KRT80: variants seen among roughly 807,000 people sequenced by gnomAD.
The protein encoded by KRT80 is keratin, type II cytoskeletal 80.
A neutral mutation model predicts 51.5 loss-of-function variants in KRT80; 36 were observed. That is an observed-to-expected ratio of 0.70 (90% CI 0.54 to 0.92). The LOEUF (loss-of-function observed/expected upper bound fraction) is 0.92. KRT80 is among the 40% of genes least tolerant of loss of function. KRT80 has a pLI of 0.00. For synonymous variants in KRT80, 235 were observed against 248.3 expected, an observed-to-expected ratio of 0.95 and a Z score of 0.50; for missense variants, 566 against 591.7, an observed-to-expected ratio of 0.96 and a Z score of 0.45.
chr12:52,170,772 C>T lies in KRT80; in HGVS notation c.*626G>A. On this transcript the variant is annotated 3_prime_UTR_variant, in exon 9 of 9. Transcript: ENST00000394815. ...AAGGGATGCGGGTGTTCGGGCTGAT[C>T]TCTGGGGCCTAGGCTTAGGTCCCAA... 1 of 152,786 alleles carries T rather than the reference C, an allele frequency of 6.5e-6. No homozygotes were observed. The highest frequency in any genetic ancestry group is 1.9e-4 in the East Asian group (1 of 5,192). The allele number at this position is 152,786 out of a possible 1,614,324, so 9.5% of individuals were successfully genotyped here. A position where few individuals can be genotyped will look rare whatever the true frequency, so the allele number is the denominator to read the frequency against.
chr12:52,185,044 G>A (rs919299931), intron 2 of KRT80, among the ~76,000 whole-genome samples: 2 of 152,220 alleles, frequency 1.3e-5, no homozygotes, highest in Non-Finnish European at 2.9e-5. Context: ...AAGAGCAAGT[G>A]TGTCCATAGG....
In KRT80 at chr12:52,191,709, A is replaced by T; in HGVS notation, c.194T>A (p.Leu65Gln). Residue 65 changes from leucine (L) to glutamine (Q), a missense_variant, in exon 1 of 9, where the codon CTG becomes CAG. Physicochemically the swap from Leu to Gln is moderately radical, Grantham distance 113 (BLOSUM62 -2). Transcript: ENST00000394815. ...ISKVTVNPGL[L>Q]VPLDVKLDPA... ...GTCCAACTTGACATCCAGGGGCACCAGCAGGCCGGGGTTCACAGTCACCTT... is the reference window on the plus strand; with the variant it reads ...GTCCAACTTGACATCCAGGGGCACCTGCAGGCCGGGGTTCACAGTCACCTT... 1.2e-6 allele frequency: 2 copies of T among 1,613,852 alleles called. No individual in the cohort carries two copies. The highest frequency in any genetic ancestry group is 8.5e-7 in the Non-Finnish European group (1 of 1,179,904).
In KRT80 at chr12:52,185,420, G is replaced by T; in HGVS notation, c.468C>A (p.Asn156Lys). 1 of 1,614,048 alleles carries T rather than the reference G, an allele frequency of 6.2e-7. No homozygotes were observed. The highest frequency in any genetic ancestry group is 1.1e-5 in the South Asian group (1 of 91,078). Residue 156 changes from asparagine to lysine, a missense_variant, in exon 2 of 9, where the codon AAC (asparagine) becomes AAA (lysine). Transcript: ENST00000394815. ...CAACCTTCTCCAGCACCTGCAGCAGGTTGGCCTCCAGCTGCCCCCGCTCCT... is the reference window on the plus strand; with the variant it reads ...CAACCTTCTCCAGCACCTGCAGCAGTTTGGCCTCCAGCTGCCCCCGCTCCT... ...VSQERGQLEA[N>K]LLQVLEKVEE...
intron 4 of KRT80, among the ~76,000 whole-genome samples, chr12:52,175,908 A>G (rs572927190): frequency 6.6e-6 from 1 of 152,168 alleles, no homozygotes; most frequent in Non-Finnish European, 1.5e-5. Context: ...GGCTGGGGAC[A>G]GTTTCAGAGC....
chr12:52,173,861 T>G, intron 4 of KRT80, 97 bp from the exon 5 acceptor site: 3 of 1,239,580 alleles, frequency 2.4e-6, no homozygotes, highest in South Asian at 1.4e-5. Context: ...GAGCGGAGAG[T>G]GGAGCTGCTC....
chr12:52,191,832 G>A lies in KRT80; in HGVS notation c.71C>T (p.Pro24Leu), dbSNP rs1387484485. The A allele has an allele frequency of 4.7e-5, 75 of 1,586,226 alleles. No homozygotes were observed. The highest frequency in any genetic ancestry group is 6.0e-5 in the Non-Finnish European group (70 of 1,164,114). The change falls in exon 1 of 9, where the codon CCC becomes CTC. Residue 24 changes from proline to leucine, a missense_variant. By Grantham distance (98) the Pro-to-Leu change is moderately conservative. Transcript: ENST00000394815. Reference sequence around the variant, plus strand: ...GTCCCATCCTGAGGTTCCAGGCCGGGGGCTGCCCACCGGGGTCACCTCACA... The same window carrying A: ...GTCCCATCCTGAGGTTCCAGGCCGGAGGCTGCCCACCGGGGTCACCTCACA... ...SSCEVTPVGS[P>L]RPGTSGWDSC...
intron 4 of KRT80, among the ~76,000 whole-genome samples, chr12:52,175,109 C>T (rs934762779): frequency 4.6e-5 from 7 of 152,064 alleles, no homozygotes; most frequent in South Asian, 2.1e-4. Context: ...TTTTGCTGAC[C>T]GCCTCATCAT....
chr12:52,182,836 C>A (rs532784488), intron 2 of KRT80, among the ~76,000 whole-genome samples: 122 of 152,294 alleles, frequency 8.0e-4, no homozygotes, highest in African/African-American at 2.9e-3. Flanking sequence ...TGGGAATAAG[C>A]CCTGAGCCCC....
At chr12:52,177,119 C>T (rs1195590681) in intron 4 of KRT80, among the ~76,000 whole-genome samples, 2 of 152,326 alleles carry the variant, frequency 1.3e-5, no homozygotes, top group East Asian at 3.9e-4. Context: ...ATCATTATCC[C>T]TACTTCATAG....
Position 52,171,252 on chromosome 12 carries a change from C to T in KRT80, c.*146G>A. The T allele has an allele frequency of 1.2e-6, 1 of 848,126 alleles. No individual in the cohort carries two copies. Among genetic ancestry groups the T allele is most frequent in the Non-Finnish European group, 1.8e-6 (1 of 546,070 alleles). The allele number at this position is 848,126 out of a possible 1,614,324, so 52.5% of individuals were successfully genotyped here. A position where few individuals can be genotyped will look rare whatever the true frequency, so the allele number is the denominator to read the frequency against. On this transcript the variant is annotated 3_prime_UTR_variant, in exon 9 of 9. Transcript: ENST00000394815. ...TCTCCCACCCTGGCAGCCCACAAAA[C>T]ACAGTCAGTTTTGAACCCCTCTCTC...
In KRT80 at chr12:52,171,236, C is replaced by A; in HGVS notation, c.*162G>T. 2.8e-6 allele frequency: 2 copies of A among 719,274 alleles called. No individual in the cohort carries two copies. Among genetic ancestry groups the A allele is most frequent in the South Asian group, 3.8e-5 (2 of 52,480 alleles). The allele number at this position is 719,274 out of a possible 1,614,324, so 44.6% of individuals were successfully genotyped here. On this transcript the variant is annotated 3_prime_UTR_variant, in exon 9 of 9. Transcript: ENST00000394815. Reference sequence around the variant, plus strand: ...GAGCTGGTGATGCTCCTCTCCCACCCTGGCAGCCCACAAAACACAGTCAGT... The same window carrying A: ...GAGCTGGTGATGCTCCTCTCCCACCATGGCAGCCCACAAAACACAGTCAGT...
chr12:52,179,369 C>T (rs2120899984), intron 4 of KRT80, among the ~76,000 whole-genome samples: 1 of 152,336 alleles, frequency 6.6e-6, no homozygotes, highest in South Asian at 2.1e-4. Flanking sequence ...TAGCACTTGG[C>T]CTGGCTGTGG....
rs1275873954 is a variant in KRT80, at chr12:52,180,792, C to T, written c.570+111G>A. The T allele has an allele frequency of 2.5e-6, 4 of 1,593,022 alleles. No homozygotes were observed. The South Asian group carries it at 3.4e-5, about 13-fold the overall frequency. On this transcript the variant is annotated intron_variant, in intron 3 of 8. Transcript: ENST00000394815. ...CCCTGTCTGTCTGTTGGTCCTGGGA[C>T]TTAAGCCTCTGAGGGCTTTGATTGG...
rs184175278 is a variant in KRT80, at chr12:52,174,257, G to A, written c.667-493C>T. Among the ~76,000 whole-genome samples, 12 of 152,316 alleles carry A rather than the reference G, an allele frequency of 7.9e-5. No homozygotes were observed. In the East Asian group the frequency reaches 2.3e-3, roughly 29 times the overall value. On this transcript the variant is annotated intron_variant, in intron 4 of 8. Transcript: ENST00000394815. ...GCTGTGTTCATCTCTGAGCCCCCAC[G>A]TCTGGGAAAGGAGTGCCTCAGTTCA...
intron 1 of KRT80, among the ~76,000 whole-genome samples, chr12:52,190,501 A>G (rs1345165505): frequency 1.3e-5 from 2 of 152,212 alleles, no homozygotes; most frequent in African/African-American, 4.8e-5. Context: ...CTCCCACCTC[A>G]TGGGGGAGAC....
In KRT80 at chr12:52,171,182, A is replaced by G; in HGVS notation, c.*216T>C. The stretch of plus-strand genomic sequence containing the variant: ...AAGGTTGGAAGGATGGGACTGTGAG[A>G]TACTGATATGGAGCGGAGTGGCTCT... On this transcript the variant is annotated 3_prime_UTR_variant, in exon 9 of 9. Transcript: ENST00000394815. 1 of 494,398 alleles carries G rather than the reference A, an allele frequency of 2.0e-6. No individual in the cohort carries two copies. 30.6% of individuals were successfully genotyped at this position (494,398 alleles called of 1,614,324 possible).
At chr12:52,172,567 T>C in intron 6 of KRT80, 149 bp from the exon 7 acceptor site, 1 of 711,098 alleles carries the variant, frequency 1.4e-6, no homozygotes, top group Non-Finnish European at 2.3e-6. Context: ...CTGGTTGCCA[T>C]GCAGCAAGAG....
At position 52,171,185 on chromosome 12, in the gene KRT80, C is replaced by G. The variant is rs1352737009; in HGVS notation, c.*213G>C. On this transcript the variant is annotated 3_prime_UTR_variant, in exon 9 of 9. Transcript: ENST00000394815. ...GTTGGAAGGATGGGACTGTGAGATACTGATATGGAGCGGAGTGGCTCTGAG... is the reference window on the plus strand; with the variant it reads ...GTTGGAAGGATGGGACTGTGAGATAGTGATATGGAGCGGAGTGGCTCTGAG... The G allele has an allele frequency of 2.0e-6, 1 of 500,420 alleles. No individual in the cohort carries two copies. Among genetic ancestry groups the G allele is most frequent in the Non-Finnish European group, 3.5e-6 (1 of 284,582 alleles). 31.0% of individuals were successfully genotyped at this position (500,420 alleles called of 1,614,324 possible).
At position 52,169,240 on chromosome 12, in the gene KRT80, T is replaced by C. The variant is rs1016896501; in HGVS notation, c.*2158A>G. 6.6e-6 allele frequency: 1 copy of C among 152,172 alleles called. No individual in the cohort carries two copies. Among genetic ancestry groups the C allele is most frequent in the Non-Finnish European group, 1.5e-5 (1 of 68,030 alleles). The allele number at this position is 152,172 out of a possible 1,614,324, so 9.4% of individuals were successfully genotyped here. On this transcript the variant is annotated 3_prime_UTR_variant, in exon 9 of 9. Transcript: ENST00000394815. Reference sequence around the variant, plus strand: ...TCACCAAGGAGATGGTGCTGAGCCATTCATGAAGGATCCTCTCTCATGATC... The same window carrying C: ...TCACCAAGGAGATGGTGCTGAGCCACTCATGAAGGATCCTCTCTCATGATC...
Sources: gnomAD v4.1 joint callset for allele counts (sites outside exome capture counted in the v4.1 genomes callset) on GRCh38, gnomAD v4.1.1 for gene constraint, MANE v1.5 for transcripts, NCBI Gene and HGNC (gene_info 2026-07-23, HGNC 2026-07-21) for gene names.